Variants in CHID1 observed in about 807,000 individuals in gnomAD.
CHID1 encodes chitinase domain containing 1, also known as chitinase domain-containing protein 1.
Under a neutral mutation model 55.4 loss-of-function variants are expected in CHID1, and 44 were observed. The ratio of observed to expected loss-of-function variants is 0.79; its 90% CI spans 0.62 to 1.02. CHID1 has a LOEUF of 1.02. Ranked by LOEUF, CHID1 falls within the 50% of genes least tolerant of loss-of-function variation. CHID1 has a pLI of 0.00. For synonymous variants in CHID1, 216 were observed against 212.9 expected (o/e 1.01, Z -0.13); for missense variants, 491 against 515.3 (o/e 0.95, Z 0.46).
chr11:894,163 T>C (rs571895233), intron 7 of CHID1, among the ~76,000 whole-genome samples: 360 of 114,476 alleles, frequency 3.1e-3, no homozygotes, highest in Admixed American at 9.9e-3. Flanking sequence ...ACACACCAGG[T>C]AAGAAAAGGC....
chr11:888,657 G>A (rs1035205579), intron 8 of CHID1, among the ~76,000 whole-genome samples: 2 of 152,250 alleles, frequency 1.3e-5, no homozygotes, highest in Non-Finnish European at 2.9e-5. Context: ...AAGGAAAGAA[G>A]GAAAAGGAGC....
chr11:872,437 G>A (rs1449810882), intron 10 of CHID1, among the ~76,000 whole-genome samples: 1 of 152,310 alleles, frequency 6.6e-6, no homozygotes, highest in African/African-American at 2.4e-5. Context: ...GATTACAGGC[G>A]TGAGCCACCG....
Position 870,424 on chromosome 11 carries a change from G to A in CHID1, c.1035C>T (p.Tyr345=). The stretch of plus-strand genomic sequence containing the variant: ...ACGCACTTCAAAACACTCACTTCTT[G>A]TACTCGAAGAAGTGCTCTGAGGCCT... The part of the protein sequence containing the change: ...DSQASEHFFE[Y]KKSRSGRHVV... The change falls in exon 11 of 13, where the codon TAC becomes TAT. Residue 345 remains tyrosine, a synonymous_variant. Coordinates refer to ENST00000323578, the MANE Select transcript of CHID1 (RefSeq NM_023947.4). 3.1e-6 allele frequency: 5 copies of A among 1,609,196 alleles called. No individual in the cohort carries two copies. The highest frequency in any genetic ancestry group is 4.2e-6 in the Non-Finnish European group (5 of 1,177,006).
intron 10 of CHID1, among the ~76,000 whole-genome samples, chr11:880,467 G>A (rs4963141): frequency 0.44 from 67,200 of 152,090 alleles, 15,606 homozygotes; most frequent in Admixed American, 0.52. Flanking sequence ...GTAGAGTGTC[G>A]GGGGAAAGCC....
At chr11:894,767 C>T (rs985196726) in intron 7 of CHID1, among the ~76,000 whole-genome samples, 42 of 152,292 alleles carry the variant, frequency 2.8e-4, no homozygotes, top group African/African-American at 1.0e-3. Flanking sequence ...GGTGACGGTT[C>T]CTCAGCCAGT....
At position 868,086 on chromosome 11, in the gene CHID1, C is replaced by T. The variant is rs1219932586; in HGVS notation, c.*1772G>A. 3 of 152,182 alleles carry T rather than the reference C, an allele frequency of 2.0e-5. No homozygotes were observed. Among genetic ancestry groups the T allele is most frequent in the African/African-American group, 4.8e-5 (2 of 41,378 alleles). 9.4% of individuals were successfully genotyped at this position (152,182 alleles called of 1,614,324 possible). ...AGACATCCCATCCTGTGTGGCATCC[C>T]CACCCCTGCCTCCACCCAATGCTGA... On this transcript the variant is annotated 3_prime_UTR_variant, in exon 13 of 13. Transcript: ENST00000323578.
At position 891,553 on chromosome 11, in the gene CHID1, T is replaced by G. The variant is rs1344134696; in HGVS notation, c.701+1874A>C. ...CCCAGCCTCAAGAACTGCCCTGGGC[T>G]CCTGAGCTGGTCCCCACCGATGGCT... On this transcript the variant is annotated intron_variant, in intron 8 of 12. Transcript: ENST00000323578. Among the ~76,000 whole-genome samples, 15 of 152,248 alleles carry G rather than the reference T, an allele frequency of 9.9e-5. No individual in the cohort carries two copies. The East Asian group carries it at 2.9e-3, about 29-fold the overall frequency.
At chr11:901,134 G>A (rs1193848393) in intron 4 of CHID1, among the ~76,000 whole-genome samples, 154 bp from the exon 5 acceptor site, 1 of 152,116 alleles carries the variant, frequency 6.6e-6, no homozygotes, top group Non-Finnish European at 1.5e-5. Context: ...CCCTGGCCCA[G>A]GGCTGGCTCT....
At chr11:879,385 C>T (rs892575553) in intron 10 of CHID1, among the ~76,000 whole-genome samples, 3 of 105,932 alleles carry the variant, frequency 2.8e-5, no homozygotes, top group East Asian at 3.3e-4. Flanking sequence ...TCTTTCAAGA[C>T]GTGATTAAGT....
chr11:883,226 T>C lies in CHID1; in HGVS notation c.881A>G (p.Lys294Arg), dbSNP rs1850136455. 1 of 1,614,182 alleles carries C rather than the reference T, an allele frequency of 6.2e-7. No homozygotes were observed. Among genetic ancestry groups the C allele is most frequent in the Non-Finnish European group, 8.5e-7 (1 of 1,180,008 alleles). ...ATAGAAGTTGAGCCCCAGGAGGATTTTGCTTCGCCACTTGGACTTCGGGTC... is the reference window on the plus strand; with the variant it reads ...ATAGAAGTTGAGCCCCAGGAGGATTCTGCTTCGCCACTTGGACTTCGGGTC... ...VLDPKSKWRS[K>R]ILLGLNFYGM... Residue 294 changes from lysine (K) to arginine (R), a missense_variant, in exon 10 of 13, where the codon AAA becomes AGA. Coordinates refer to ENST00000323578, the MANE Select transcript of CHID1 (RefSeq NM_023947.4).
chr11:895,624 A>C (rs911406614), intron 7 of CHID1, among the ~76,000 whole-genome samples: 5 of 152,168 alleles, frequency 3.3e-5, no homozygotes, highest in Non-Finnish European at 5.9e-5. Flanking sequence ...CAGAGGCAGC[A>C]ACATCCCTTC....
intron 10 of CHID1, chr11:870,794 A>G: frequency 2.8e-6 from 1 of 358,514 alleles, no homozygotes; most frequent in Non-Finnish European, 5.3e-6. Flanking sequence ...CCTGAGCCTG[A>G]GGGTGACCCT....
chr11:869,539 G>A lies in CHID1; in HGVS notation c.*319C>T, dbSNP rs1849028335. The A allele has an allele frequency of 6.6e-6, 3 of 457,342 alleles. No homozygotes were observed. The highest frequency in any genetic ancestry group is 3.7e-5 in the Admixed American group (1 of 26,858). The allele number at this position is 457,342 out of a possible 1,614,324, so 28.3% of individuals were successfully genotyped here. On this transcript the variant is annotated 3_prime_UTR_variant, in exon 13 of 13. Coordinates refer to ENST00000323578, the MANE Select transcript of CHID1 (RefSeq NM_023947.4). ...AACCCACATCCAGCCCAGGATGTGAGAAGCAGCCCAGAAAGGCCTGAGCCA... is the reference window on the plus strand; with the variant it reads ...AACCCACATCCAGCCCAGGATGTGAAAAGCAGCCCAGAAAGGCCTGAGCCA...
Position 883,301 on chromosome 11 carries a change from G to A in CHID1, c.806C>T (p.Pro269Leu). 1 of 1,609,986 alleles carries A rather than the reference G, an allele frequency of 6.2e-7. No individual in the cohort carries two copies. Among genetic ancestry groups the A allele is most frequent in the Non-Finnish European group, 8.5e-7 (1 of 1,176,872 alleles). Residue 269 changes from proline to leucine, a missense_variant and splice_region_variant, in exon 10 of 13, where the codon CCT becomes CTT. Transcript: ENST00000323578. ...MTYDYSTAHQ[P>L]GPNAPLSWVR... ...CCAGGACAGGGGTGCATTAGGGCCA[G>A]GCCTGCAGGGCAAGGGGTGAGCGAG...
intron 11 of CHID1, 28 bp downstream of exon 11, chr11:870,391 G>C (rs1849089870): frequency 4.4e-6 from 7 of 1,577,622 alleles, no homozygotes; most frequent in Non-Finnish European, 6.1e-6. Flanking sequence ...ACAAGGCCAA[G>C]GTGGGCCACG....
chr11:901,450 ATT>A (rs1420975724), intron 4 of CHID1, among the ~76,000 whole-genome samples: 2 of 152,108 alleles, frequency 1.3e-5, no homozygotes, highest in African/African-American at 2.4e-5. Flanking sequence ...TTCCCCTGCC[ATT>A]TCTCTCTGTC....
chr11:885,322 A>G (rs1850310151), intron 8 of CHID1, among the ~76,000 whole-genome samples: 1 of 152,202 alleles, frequency 6.6e-6, no homozygotes, highest in Non-Finnish European at 1.5e-5. Context: ...CCAGATGTGC[A>G]GTTTTATCCC....
chr11:884,087 C>T lies in CHID1; in HGVS notation c.784G>A (p.Asp262Asn), dbSNP rs779663358. Residue 262 changes from aspartate to asparagine, a missense_variant, in exon 9 of 13, where the codon GAC (aspartate) becomes AAC (asparagine). By Grantham distance (23) the Asp-to-Asn change is conservative (BLOSUM62 1). Transcript: ENST00000323578. ...ACTCACTGATGCGCTGTAGAGTAGT[C>T]GTAGGTCATGAGGCTGAAACCATCC... ...VLDGFSLMTY[D>N]YSTAHQPGPN... 12 of 1,613,880 alleles carry T rather than the reference C, an allele frequency of 7.4e-6. No homozygotes were observed. The East Asian group carries it at 1.1e-4, about 15-fold the overall frequency.
chr11:876,127 C>T (rs768201866), intron 10 of CHID1, among the ~76,000 whole-genome samples: 3 of 152,142 alleles, frequency 2.0e-5, no homozygotes, highest in Admixed American at 6.5e-5. Context: ...GAGCTGATGT[C>T]GCCAGAGCTC....
Sources: gnomAD v4.1 joint callset for allele counts (sites outside exome capture counted in the v4.1 genomes callset) on GRCh38, gnomAD v4.1.1 for gene constraint, MANE v1.5 for transcripts, NCBI Gene and HGNC (gene_info 2026-07-23, HGNC 2026-07-21) for gene names.